PCSK9: variants seen among roughly 807,000 people sequenced by gnomAD.
PCSK9 encodes convertase subtilisin/kexin type 9 preproprotein.
PCSK9 carries 57 observed loss-of-function variants against 62.1 expected under a neutral mutation model. The observed-to-expected ratio is 0.92, with a 90% CI of 0.74 to 1.14. PCSK9 has a LOEUF of 1.14. Ranked by LOEUF, PCSK9 falls within the 50% of genes most tolerant of loss-of-function variation. The pLI, the probability that PCSK9 is intolerant of heterozygous loss-of-function variation, is 0.00. For synonymous variants in PCSK9, 387 were observed against 409.4 expected (o/e 0.95, Z 0.66); for missense variants, 870 against 959.8 (o/e 0.91, Z 1.24).
chr1:55,057,001 C>T (rs11587071), intron 6 of PCSK9, among the ~76,000 whole-genome samples: 16,904 of 152,260 alleles, frequency 0.11, 1,198 homozygotes, highest in Non-Finnish European at 0.16. Context: ...AAGCCCAACA[C>T]ATCTCTGCCT....
At chr1:55,061,124 T>TAA (rs1644755818) in intron 10 of PCSK9, among the ~76,000 whole-genome samples, 1 of 152,116 alleles carries the variant, frequency 6.6e-6, no homozygotes, top group Non-Finnish European at 1.5e-5. Context: ...GGTGGAAAGA[T>TAA]GGTGTTTTCC....
rs72646510 is a variant in PCSK9 at position 55,056,040 on chromosome 1, C to A, written c.847C>A (p.Leu283Met). The A allele has an allele frequency of 1.1e-4, 173 of 1,609,746 alleles. No homozygotes were observed. The African/African-American group carries it at 2.0e-3, about 18-fold the overall frequency. ...KSQLVQPVGP[L>M]VVLLPLAGGY... ...CCAGCTGGTCCAGCCTGTGGGGCCACTGGTGGTGCTGCTGCCCCTGGCGGG... is the reference window on the plus strand; with the variant it reads ...CCAGCTGGTCCAGCCTGTGGGGCCAATGGTGGTGCTGCTGCCCCTGGCGGG... The change falls in exon 6 of 12, where the codon CTG becomes ATG. Residue 283 changes from leucine to methionine, a missense_variant. Leu to Met is a conservative substitution (Grantham distance 15). Coordinates refer to ENST00000302118, the MANE Select transcript of PCSK9 (RefSeq NM_174936.4).
At position 55,046,644 on chromosome 1, in the gene PCSK9, C is replaced by G; in HGVS notation, c.521C>G (p.Pro174Arg). 6.2e-7 allele frequency: 1 copy of G among 1,613,884 alleles called. No individual in the cohort carries two copies. The highest frequency in any genetic ancestry group is 8.5e-7 in the Non-Finnish European group (1 of 1,179,978). The change falls in exon 3 of 12, where the codon CCC (proline) becomes CGC (arginine). Residue 174 changes from proline to arginine, a missense_variant and splice_region_variant. Physicochemically the swap from Pro to Arg is moderately radical, Grantham distance 103. Coordinates refer to ENST00000302118, the MANE Select transcript of PCSK9 (RefSeq NM_174936.4). Reference sequence around the variant, plus strand: ...TACCGGGCGGATGAATACCAGCCCCCCGGTAAGACCCCCATCTGTGCCCTG... The same window carrying G: ...TACCGGGCGGATGAATACCAGCCCCGCGGTAAGACCCCCATCTGTGCCCTG... ...PRYRADEYQP[P>R]DGGSLVEVYL...
chr1:55,052,300 G>T lies in PCSK9; in HGVS notation c.546G>T (p.Val182=), dbSNP rs779528787. The T allele has an allele frequency of 6.2e-7, 1 of 1,613,902 alleles. No homozygotes were observed. Among genetic ancestry groups the T allele is most frequent in the Non-Finnish European group, 8.5e-7 (1 of 1,180,040 alleles). ...AAGACGGAGGCAGCCTGGTGGAGGT[G>T]TATCTCCTAGACACCAGCATACAGA... is the stretch of plus-strand genomic sequence containing the variant. ...QPPDGGSLVE[V]YLLDTSIQSD... is the part of the protein sequence containing the mutation. Residue 182 remains valine, a synonymous_variant, in exon 4 of 12, where the codon GTG becomes GTT. Transcript: ENST00000302118.
intron 6 of PCSK9, among the ~76,000 whole-genome samples, chr1:55,056,536 G>A (rs916368075): frequency 2.6e-5 from 4 of 152,080 alleles, no homozygotes; most frequent in Admixed American, 2.6e-4. Flanking sequence ...TCCATCCCCA[G>A]GCCCTGCGTC....
chr1:55,060,798 T>A lies in PCSK9; in HGVS notation c.1682-577T>A, dbSNP rs551620201. Among the ~76,000 whole-genome samples the A allele has an allele frequency of 9.2e-5, 14 of 152,332 alleles. No individual in the cohort carries two copies. In the East Asian group the frequency reaches 2.1e-3, roughly 23 times the overall value. ...AATGCTAGTAACCACAACCCTACCA[T>A]GTTCAGAGCACATGCCAGGCTCCAT... On this transcript the variant is annotated intron_variant, in intron 10 of 11. Transcript: ENST00000302118.
chr1:55,062,466 C>T (rs1036368974), intron 11 of PCSK9, among the ~76,000 whole-genome samples: 33 of 152,200 alleles, frequency 2.2e-4, no homozygotes, highest in African/African-American at 8.0e-4. Flanking sequence ...GTTCTCCCTC[C>T]TGGAGCATCT....
intron 5 of PCSK9, among the ~76,000 whole-genome samples, chr1:55,053,687 A>G (rs1644692901): frequency 6.6e-6 from 1 of 152,222 alleles, no homozygotes; most frequent in Non-Finnish European, 1.5e-5. Context: ...TTCTGCCCTG[A>G]GACTTTCCTA....
chr1:55,056,073 A>G lies in PCSK9; in HGVS notation c.880A>G (p.Ser294Gly), dbSNP rs1188101054. ...VVLLPLAGGY[S>G]RVLNAACQRL... ...GCTGCTGCCCCTGGCGGGTGGGTAC[A>G]GCCGCGTCCTCAACGCCGCCTGCCA... is the stretch of plus-strand genomic sequence containing the variant. Residue 294 changes from serine (S) to glycine (G), a missense_variant, in exon 6 of 12, where the codon AGC becomes GGC. Transcript: ENST00000302118. 6.3e-7 allele frequency: 1 copy of G among 1,599,782 alleles called. No homozygotes were observed. The highest frequency in any genetic ancestry group is 2.3e-5 in the East Asian group (1 of 44,284).
chr1:55,045,988 C>T (rs1316972713), intron 2 of PCSK9, among the ~76,000 whole-genome samples: 2 of 152,162 alleles, frequency 1.3e-5, no homozygotes, highest in African/African-American at 2.4e-5. Context: ...GGATTACAGG[C>T]GTGAGTCACC....
At chr1:55,056,228 G>A (rs1644713389) in intron 6 of PCSK9, 39 bp downstream of exon 6, 6 of 21,678 alleles carry the variant, frequency 2.8e-4, no homozygotes, top group Non-Finnish European at 3.3e-4. Flanking sequence ...GCGGGTAGGG[G>A]GCGGAGGGCG....
chr1:55,042,299 G>A (rs1570292773), intron 1 of PCSK9, among the ~76,000 whole-genome samples: 1 of 152,124 alleles, frequency 6.6e-6, no homozygotes, highest in African/African-American at 2.4e-5. Context: ...AATGTAAAAT[G>A]TTACGAAAAC....
In PCSK9 at chr1:55,064,221, T is replaced by C. The variant is rs1432348106; in HGVS notation, c.*637T>C. 6.5e-6 allele frequency: 1 copy of C among 154,030 alleles called. No homozygotes were observed. The highest frequency in any genetic ancestry group is 1.9e-4 in the East Asian group (1 of 5,208). The allele number at this position is 154,030 out of a possible 1,614,324, so 9.5% of individuals were successfully genotyped here. On this transcript the variant is annotated 3_prime_UTR_variant, in exon 12 of 12. Coordinates refer to ENST00000302118, the MANE Select transcript of PCSK9 (RefSeq NM_174936.4). ...ACCTTTACTCTGCTCTATGCCAGGC[T>C]GTGCTAGCAACACCCAAAGGTGGCC...
intron 3 of PCSK9, among the ~76,000 whole-genome samples, chr1:55,047,418 G>A (rs1248298503): frequency 1.3e-5 from 2 of 152,218 alleles, no homozygotes; most frequent in African/African-American, 2.4e-5. Flanking sequence ...GTGCCAGGAC[G>A]CAGAGCTTGG....
At position 55,058,151 on chromosome 1, in the gene PCSK9, C is replaced by T. The variant is rs1158623635; in HGVS notation, c.1296C>T (p.Asp432=). 3.1e-6 allele frequency: 5 copies of T among 1,613,456 alleles called. No homozygotes were observed. The Admixed American group carries it at 5.0e-5, about 16-fold the overall frequency. Residue 432 remains aspartate, a synonymous_variant, in exon 8 of 12, where the codon GAC becomes GAT. Coordinates refer to ENST00000302118, the MANE Select transcript of PCSK9 (RefSeq NM_174936.4). ...DVINEAWFPE[D]QRVLTPNLVA... is the part of the protein sequence containing the mutation. ...TCAATGAGGCCTGGTTCCCTGAGGA[C>T]CAGCGGGTACTGACCCCCAACCTGG...
In PCSK9 at chr1:55,040,124, C is replaced by T. The variant is rs1644588073; in HGVS notation, c.207+80C>T. 6.7e-6 allele frequency: 10 copies of T among 1,494,746 alleles called. No individual in the cohort carries two copies. The highest frequency in any genetic ancestry group is 2.4e-5 in the South Asian group (2 of 81,806). The allele number at this position is 1,494,746 out of a possible 1,614,324, so 92.6% of individuals were successfully genotyped here. ...GCTGTTTCCTCTCGGGCCTCAGTTT[C>T]CCCCCATGTAAGAGAGGAAGTGGAG... On this transcript the variant is annotated intron_variant, in intron 1 of 11. Coordinates refer to ENST00000302118, the MANE Select transcript of PCSK9 (RefSeq NM_174936.4). The surrounding 1 kb of genome is among the most constrained non-coding windows in gnomAD (Gnocchi z 4.1).
chr1:55,053,034 G>A (rs889796612), intron 5 of PCSK9, among the ~76,000 whole-genome samples: 1 of 152,202 alleles, frequency 6.6e-6, no homozygotes, highest in African/African-American at 2.4e-5. Flanking sequence ...TTGACCCTGG[G>A]TCAATGACCT....
chr1:55,046,429 G>C, intron 2 of PCSK9, 94 bp from the exon 3 acceptor site: 1 of 1,583,300 alleles, frequency 6.3e-7, no homozygotes, highest in Non-Finnish European at 8.7e-7. Flanking sequence ...TGGGATGTGG[G>C]GACAGGTTTG....
chr1:55,063,706 C>T lies in PCSK9; in HGVS notation c.*122C>T, dbSNP rs751118819. On this transcript the variant is annotated 3_prime_UTR_variant, in exon 12 of 12. Transcript: ENST00000302118. ...TGGCACGAGGGGATGGGGATGCTTC[C>T]GCCTTTCCGGGGCTGCTGGCCTGGC... 100 of 1,211,548 alleles carry T rather than the reference C, an allele frequency of 8.3e-5. No individual in the cohort carries two copies. The highest frequency in any genetic ancestry group is 1.5e-4 in the African/African-American group (10 of 66,120). The allele number at this position is 1,211,548 out of a possible 1,614,324, so 75.0% of individuals were successfully genotyped here. A position where few individuals can be genotyped will look rare whatever the true frequency, so the allele number is the denominator to read the frequency against.
Sources: gnomAD v4.1 joint callset for allele counts (sites outside exome capture counted in the v4.1 genomes callset) on GRCh38, gnomAD v4.1.1 for gene constraint, Gnocchi (gnomAD v3.1) non-coding constraint, MANE v1.5 for transcripts, NCBI Gene and HGNC (gene_info 2026-07-23, HGNC 2026-07-21) for gene names.